The following EYS variants were observed in gnomAD, a reference collection of about 807,000 sequenced individuals.
EYS encodes protein eyes shut homolog.
EYS carries 250 observed loss-of-function variants against 282.1 expected under a neutral mutation model. That is an observed-to-expected ratio of 0.89 (90% CI 0.80 to 0.98). EYS has a LOEUF of 0.98. EYS is among the 50% of genes least tolerant of loss of function. The pLI, the probability that EYS is intolerant of heterozygous loss-of-function variation, is 0.00. For missense variants in EYS, 4,016 were observed against 3,709.0 expected (o/e 1.08, Z -2.15); for synonymous variants, 1,355 against 1,282.9 (o/e 1.06, Z -1.20).
intron 12 of EYS, among the ~76,000 whole-genome samples, chr6:65,152,704 T>C (rs1057329838): frequency 8.6e-5 from 13 of 151,942 alleles, no homozygotes; most frequent in Non-Finnish European, 1.5e-4. Flanking sequence ...GTAAAGAGCA[T>C]ACTTAGGTCA....
At chr6:64,896,861 C>T (rs116573850) in intron 18 of EYS, among the ~76,000 whole-genome samples, 2 of 151,932 alleles carry the variant, frequency 1.3e-5, no homozygotes, top group Non-Finnish European at 1.5e-5. Context: ...GAGGGGGGGG[C>T]CACCACAGTG....
chr6:64,524,114 C>G (rs1432550431), intron 26 of EYS, among the ~76,000 whole-genome samples: 1 of 151,618 alleles, frequency 6.6e-6, no homozygotes, highest in African/African-American at 2.4e-5. Context: ...TCACCATAAC[C>G]AATGCTAATA....
At chr6:65,083,985 A>G (rs1378766308) in intron 12 of EYS, among the ~76,000 whole-genome samples, 2 of 151,838 alleles carry the variant, frequency 1.3e-5, no homozygotes, top group African/African-American at 4.8e-5. Context: ...TAGAATATAT[A>G]TATTTTTTAA....
chr6:64,388,817 G>C lies in EYS; in HGVS notation c.5951C>G (p.Ala1984Gly). 1 of 1,524,568 alleles carries C rather than the reference G, an allele frequency of 6.6e-7. No individual in the cohort carries two copies. Among genetic ancestry groups the C allele is most frequent in the Non-Finnish European group, 8.8e-7 (1 of 1,135,138 alleles). The allele number at this position is 1,524,568 out of a possible 1,614,324, so 94.4% of individuals were successfully genotyped here. Reference sequence around the variant, plus strand: ...ATTCCTCCCTAAAATAGTCAGCTCAGCGTTACATGGATCCAATTCTTGCCT... The same window carrying C: ...ATTCCTCCCTAAAATAGTCAGCTCACCGTTACATGGATCCAATTCTTGCCT... ...LIRQELDPCN[A>G]ELTILGRNTQ... The change falls in exon 29 of 43, where the codon GCT (alanine) becomes GGT (glycine). Residue 1984 changes from alanine to glycine, a missense_variant. By Grantham distance (60) the Ala-to-Gly change is moderately conservative. Coordinates refer to ENST00000503581, the MANE Select transcript of EYS (RefSeq NM_001142800.2).
intron 1 of EYS, among the ~76,000 whole-genome samples, chr6:65,686,553 T>A (rs955957932): frequency 2.6e-5 from 4 of 152,126 alleles, no homozygotes; most frequent in African/African-American, 9.6e-5. Flanking sequence ...AACACACATA[T>A]ATAACATATG....
At chr6:65,097,394 T>C (rs1024210619) in intron 12 of EYS, among the ~76,000 whole-genome samples, 16 of 150,606 alleles carry the variant, frequency 1.1e-4, no homozygotes, top group African/African-American at 3.9e-4. Flanking sequence ...ATACTGTTGG[T>C]AGGTATGTAA....
At chr6:64,883,244 C>T (rs1232239198) in intron 19 of EYS, among the ~76,000 whole-genome samples, 1 of 151,270 alleles carries the variant, frequency 6.6e-6, no homozygotes. Context: ...AATATTATAA[C>T]TGAATATAGT....
intron 14 of EYS, 119 bp downstream of exon 14, chr6:64,997,463 T>A (rs968154976): frequency 2.3e-6 from 2 of 872,266 alleles, no homozygotes; most frequent in Admixed American, 6.6e-5. Context: ...CCTTGAGAAG[T>A]AAGCATATGT....
chr6:63,924,706 A>C (rs1420257436), intron 35 of EYS, among the ~76,000 whole-genome samples: 3 of 152,170 alleles, frequency 2.0e-5, no homozygotes, highest in Non-Finnish European at 2.9e-5. Context: ...ATCATCTTTA[A>C]GTTTCAGTGG....
At chr6:63,851,688 T>A (rs1344329943) in intron 36 of EYS, among the ~76,000 whole-genome samples, 1 of 152,080 alleles carries the variant, frequency 6.6e-6, no homozygotes, top group Non-Finnish European at 1.5e-5. Context: ...AGAGGGAAAT[T>A]TATAGCATTA....
At chr6:64,987,198 A>G (rs1770887074) in intron 14 of EYS, among the ~76,000 whole-genome samples, 1 of 151,490 alleles carries the variant, frequency 6.6e-6, no homozygotes, top group Admixed American at 6.6e-5. Context: ...ACCTGTTAGC[A>G]GATGATTTCC....
intron 11 of EYS, among the ~76,000 whole-genome samples, chr6:65,322,553 T>C (rs1769503472): frequency 1.3e-5 from 2 of 151,666 alleles, no homozygotes; most frequent in African/African-American, 4.8e-5. Context: ...TCCCAGCACT[T>C]TGGGAGACCA....
intron 2 of EYS, among the ~76,000 whole-genome samples, chr6:65,539,836 A>G (rs1768097579): frequency 1.3e-5 from 2 of 152,214 alleles, no homozygotes; most frequent in South Asian, 4.1e-4. Flanking sequence ...TACTGATCGA[A>G]TTCTCTCTGA....
intron 22 of EYS, among the ~76,000 whole-genome samples, chr6:64,766,281 T>C (rs1040562507): frequency 6.6e-6 from 1 of 151,768 alleles, no homozygotes; most frequent in African/African-American, 2.4e-5. Flanking sequence ...CTCCTTTCCT[T>C]TTTTCTTTCT....
intron 12 of EYS, among the ~76,000 whole-genome samples, chr6:65,185,048 CTA>C (rs1439207593): frequency 1.3e-5 from 2 of 148,716 alleles, no homozygotes; most frequent in East Asian, 2.0e-4. Flanking sequence ...AAAAAAAAAA[CTA>C]TATGTGTGAT....
At chr6:65,503,460 G>C (rs1766535677) in intron 2 of EYS, among the ~76,000 whole-genome samples, 1 of 151,646 alleles carries the variant, frequency 6.6e-6, no homozygotes, top group Admixed American at 6.6e-5. Context: ...TTTTAAAAAA[G>C]TCCAAATTTC....
At chr6:65,157,770 G>T (rs531019739) in intron 12 of EYS, among the ~76,000 whole-genome samples, 15 of 150,242 alleles carry the variant, frequency 1.0e-4, no homozygotes, top group Non-Finnish European at 1.9e-4. Context: ...TTTAGGAAAA[G>T]GTTATATTTT....
At chr6:65,242,200 T>C (rs892434336) in intron 12 of EYS, among the ~76,000 whole-genome samples, 5 of 152,118 alleles carry the variant, frequency 3.3e-5, no homozygotes, top group African/African-American at 7.2e-5. Context: ...GATTTTAGTA[T>C]ATTTAGAAAT....
chr6:64,290,726 T>C (rs932194857), intron 30 of EYS, among the ~76,000 whole-genome samples: 19 of 151,958 alleles, frequency 1.3e-4, no homozygotes, highest in African/African-American at 4.1e-4. Flanking sequence ...AAGAATCATG[T>C]ATCATATGTT....
Sources: allele counts gnomAD v4.1 joint callset (sites outside exome capture counted in the v4.1 genomes callset), GRCh38; gene constraint gnomAD v4.1.1; transcripts MANE v1.5; gene names NCBI Gene and HGNC (gene_info 2026-07-23, HGNC 2026-07-21).